Variants in SDK2 observed in about 807,000 individuals in gnomAD.
SDK2 encodes the protein protein sidekick-2.
SDK2 carries 105 observed loss-of-function variants against 253.9 expected under a neutral mutation model. That is an observed-to-expected ratio of 0.41 (90% CI 0.35 to 0.49). SDK2 has a LOEUF of 0.49. SDK2 is among the 20% of genes least tolerant of loss of function. The probability of loss-of-function intolerance (pLI) is 0.06; values close to 1 mark genes in which losing one functional copy is unlikely to be tolerated. For missense variants in SDK2, 2,608 were observed against 3,003.0 expected (o/e 0.87, Z 3.07); for synonymous variants, 1,249 against 1,234.9 (o/e 1.01, Z -0.24).
Position 73,631,880 on chromosome 17 carries a change from A to C in SDK2, c.64+12145T>G, listed in dbSNP as rs2046275880. ...CCCAGAGCCCAAACCTCTGACTAAGAGAGTCTTCAAGCCCTCAACTAGTCT... is the reference window on the plus strand; with the variant it reads ...CCCAGAGCCCAAACCTCTGACTAAGCGAGTCTTCAAGCCCTCAACTAGTCT... On this transcript the variant is annotated intron_variant, in intron 1 of 44. Coordinates refer to ENST00000392650, the MANE Select transcript of SDK2 (RefSeq NM_001144952.2). Among the ~76,000 whole-genome samples the C allele has an allele frequency of 2.0e-5, 3 of 152,176 alleles. No individual in the cohort carries two copies. In the South Asian group the frequency reaches 6.2e-4, roughly 31 times the overall value.
At chr17:73,558,623 C>T (rs763194043) in intron 1 of SDK2, among the ~76,000 whole-genome samples, 2 of 152,120 alleles carry the variant, frequency 1.3e-5, no homozygotes, top group Non-Finnish European at 2.9e-5. Flanking sequence ...CTATGGAGGA[C>T]CCACACACAG....
chr17:73,614,747 G>C (rs920198354), intron 1 of SDK2, among the ~76,000 whole-genome samples: 672 of 53,694 alleles, frequency 0.013, 1 homozygote, highest in African/African-American at 0.024. Context: ...GAGGGAGGGG[G>C]ACAAGGATTG....
chr17:73,469,992 G>GCGCGCACACACACACA (rs1328450219), intron 3 of SDK2, among the ~76,000 whole-genome samples: 2 of 126,184 alleles, frequency 1.6e-5, no homozygotes, highest in East Asian at 2.6e-4. Flanking sequence ...GCGCGCGCGC[G>GCGCGCACACACACACA]CACACACACA....
In SDK2 at chr17:73,612,544, C is replaced by G. The variant is rs540178622; in HGVS notation, c.64+31481G>C. 1.4e-4 allele frequency among the ~76,000 whole-genome samples: 22 copies of G among 152,270 alleles called. No individual in the cohort carries two copies. The highest frequency in any genetic ancestry group is 4.1e-4 in the African/African-American group (17 of 41,546). On this transcript the variant is annotated intron_variant, in intron 1 of 44. Transcript: ENST00000392650. The surrounding 1 kb of genome is among the most constrained non-coding windows in gnomAD (Gnocchi z 4.4). ...AAGCCCAGGGTGGCAGCCTGAGGGT[C>G]CCGGCTTCCCCATTCTGACCCCTTC...
At chr17:73,640,402 C>T (rs1353846565) in intron 1 of SDK2, among the ~76,000 whole-genome samples, 1 of 152,008 alleles carries the variant, frequency 6.6e-6, no homozygotes, top group East Asian at 1.9e-4. Flanking sequence ...CAAGCTGTAT[C>T]CCTCATCTAA....
chr17:73,405,151 A>G, intron 18 of SDK2, among the ~76,000 whole-genome samples: 1 of 150,266 alleles, frequency 6.7e-6, no homozygotes, highest in East Asian at 2.0e-4. Context: ...AAGTTAGAAA[A>G]TAAAAGTTAG....
intron 39 of SDK2, among the ~76,000 whole-genome samples, chr17:73,358,762 A>G (rs556569233): frequency 3.9e-5 from 6 of 152,108 alleles, no homozygotes; most frequent in Admixed American, 6.5e-5. Flanking sequence ...CCCAACCCCA[A>G]CTGCATTTCC....
chr17:73,559,325 T>C (rs1206100978), intron 1 of SDK2, among the ~76,000 whole-genome samples: 1 of 152,166 alleles, frequency 6.6e-6, no homozygotes, highest in East Asian at 1.9e-4. Flanking sequence ...GCGATACATG[T>C]GCCATGGAGT....
At chr17:73,624,290 T>A (rs1407273741) in intron 1 of SDK2, among the ~76,000 whole-genome samples, 1 of 152,230 alleles carries the variant, frequency 6.6e-6, no homozygotes, top group Non-Finnish European at 1.5e-5. Context: ...ACTCAGGAGT[T>A]CGAGACCAGC....
chr17:73,399,635 A>C (rs1046348430), intron 21 of SDK2, among the ~76,000 whole-genome samples: 9 of 152,142 alleles, frequency 5.9e-5, no homozygotes, highest in African/African-American at 2.2e-4. Flanking sequence ...CATTAAAACC[A>C]AGCTGTGCTG....
chr17:73,339,213 G>GTTTTTTTTGTTTTTTTTT (rs1568356151), intron 44 of SDK2, among the ~76,000 whole-genome samples: 3 of 127,610 alleles, frequency 2.4e-5, no homozygotes, highest in African/African-American at 5.6e-5. Flanking sequence ...GAAGACCTGA[G>GTTTTTTTTGTTTTTTTTT]TTTTTTTTTG....
chr17:73,635,180 G>T (rs2046315010), intron 1 of SDK2, among the ~76,000 whole-genome samples: 1 of 152,018 alleles, frequency 6.6e-6, no homozygotes, highest in African/African-American at 2.4e-5. Context: ...TTTAGATGGG[G>T]TTTCACCATG....
chr17:73,367,250 C>G (rs2062693069), intron 37 of SDK2, among the ~76,000 whole-genome samples: 1 of 152,062 alleles, frequency 6.6e-6, no homozygotes, highest in Non-Finnish European at 1.5e-5. Context: ...CTCAAATGAT[C>G]CACCCACCTC....
chr17:73,559,335 T>C (rs1448516648), intron 1 of SDK2, among the ~76,000 whole-genome samples: 1 of 152,070 alleles, frequency 6.6e-6, no homozygotes, highest in Non-Finnish European at 1.5e-5. Flanking sequence ...TGCCATGGAG[T>C]GGCAATGAGG....
intron 1 of SDK2, among the ~76,000 whole-genome samples, chr17:73,508,532 G>A (rs988525720): frequency 2.0e-5 from 3 of 152,204 alleles, no homozygotes; most frequent in East Asian, 1.9e-4. Flanking sequence ...GGGGCCGGGC[G>A]GCAGGAGCCA....
intron 1 of SDK2, among the ~76,000 whole-genome samples, chr17:73,580,200 C>T (rs1342821852): frequency 6.6e-6 from 1 of 152,218 alleles, no homozygotes; most frequent in South Asian, 2.1e-4. Flanking sequence ...TGCCCCCTCA[C>T]CTGCAGTGGG....
chr17:73,364,284 T>C (rs1308662326), intron 38 of SDK2, among the ~76,000 whole-genome samples: 1 of 152,074 alleles, frequency 6.6e-6, no homozygotes, highest in Non-Finnish European at 1.5e-5. Context: ...CAGCCCAGCC[T>C]AGGAGCCCAG....
Position 73,553,822 on chromosome 17 carries a change from T to C in SDK2, c.65-46225A>G, listed in dbSNP as rs1302001008. Among the ~76,000 whole-genome samples the C allele has an allele frequency of 2.0e-5, 3 of 152,284 alleles. No individual in the cohort carries two copies. In the East Asian group the frequency reaches 5.8e-4, roughly 29 times the overall value. ...GAGCCTCAGATTCCCTTCAGGCTTT[T>C]TGGGCATAAGATTGGATGCAGGAGT... On this transcript the variant is annotated intron_variant, in intron 1 of 44. Coordinates refer to ENST00000392650, the MANE Select transcript of SDK2 (RefSeq NM_001144952.2).
chr17:73,504,729 GT>G (rs2063921773), intron 2 of SDK2, among the ~76,000 whole-genome samples: 1 of 133,960 alleles, frequency 7.5e-6, no homozygotes, highest in Non-Finnish European at 1.6e-5. Context: ...AGAAAAAAAA[GT>G]TTTCAAAAGG....
Sources: allele counts gnomAD v4.1 joint callset (sites outside exome capture counted in the v4.1 genomes callset), GRCh38; gene constraint gnomAD v4.1.1; non-coding constraint Gnocchi (gnomAD v3.1); transcripts MANE v1.5; gene names NCBI Gene and HGNC (gene_info 2026-07-23, HGNC 2026-07-21).